AXDND1: variants seen among roughly 807,000 people sequenced by gnomAD.
AXDND1 encodes axonemal dynein light chain domain-containing protein 1.
AXDND1 carries 110 observed loss-of-function variants against 137.5 expected under a neutral mutation model. That is an observed-to-expected ratio of 0.80 (90% confidence interval 0.69 to 0.94). The LOEUF is 0.94. AXDND1 is among the 40% of genes least tolerant of loss of function. AXDND1 has a pLI of 0.00. For missense variants in AXDND1, 1,191 were observed against 1,169.8 expected (o/e 1.02, Z -0.26); for synonymous variants, 414 against 399.7 (o/e 1.04, Z -0.43).
At chr1:179,489,513 A>G (rs10913797) in intron 18 of AXDND1, among the ~76,000 whole-genome samples, 83,507 of 151,988 alleles carry the variant, frequency 0.55, 23,244 homozygotes, top group East Asian at 0.76. Flanking sequence ...TATTTTCACA[A>G]AGAAGCAGCA....
At chr1:179,368,277 A>G (rs575840439) in intron 2 of AXDND1, among the ~76,000 whole-genome samples, 4 of 151,760 alleles carry the variant, frequency 2.6e-5, no homozygotes, top group African/African-American at 9.7e-5. Context: ...AGATTGTTCC[A>G]CTCTCATTTG....
At chr1:179,504,696 C>A (rs1668362737) in intron 20 of AXDND1, among the ~76,000 whole-genome samples, 1 of 151,952 alleles carries the variant, frequency 6.6e-6, no homozygotes, top group South Asian at 2.1e-4. Context: ...TGACTGGATG[C>A]CCATAACCTG....
At chr1:179,402,366 C>T (rs72717569) in intron 11 of AXDND1, among the ~76,000 whole-genome samples, 48,920 of 151,958 alleles carry the variant, frequency 0.32, 8,257 homozygotes, top group Middle Eastern at 0.43. Context: ...CCTTTCCACC[C>T]TCTTTATAAG....
intron 25 of AXDND1, among the ~76,000 whole-genome samples, chr1:179,539,620 A>G (rs979510624): frequency 6.6e-6 from 1 of 152,074 alleles, no homozygotes; most frequent in Admixed American, 6.5e-5. Context: ...GCTGCCCTTA[A>G]TATTTTTTCC....
intron 20 of AXDND1, among the ~76,000 whole-genome samples, chr1:179,504,204 C>T (rs1363448194): frequency 1.3e-5 from 2 of 152,188 alleles, no homozygotes. Flanking sequence ...GGGAAGGCTT[C>T]AGAAGGATTC....
At chr1:179,476,103 G>T (rs780205496) in intron 17 of AXDND1, among the ~76,000 whole-genome samples, 35 of 152,142 alleles carry the variant, frequency 2.3e-4, no homozygotes, top group Non-Finnish European at 3.4e-4. Flanking sequence ...CAGCCATGTG[G>T]AACTGTGAGT....
rs759232409 is a variant in AXDND1 at position 179,468,652 on chromosome 1, A to G, written c.1997+11A>G. 2.9e-5 allele frequency: 45 copies of G among 1,578,150 alleles called. No homozygotes were observed. Among genetic ancestry groups the G allele is most frequent in the Non-Finnish European group, 3.8e-5 (44 of 1,166,560 alleles). ...TGTGGATTCTGTTTCGTAAGTTCCC[A>G]TAGGTTTCTTTTGTTCTGAGATAAT... On this transcript the variant is annotated intron_variant, in intron 17 of 25. Transcript: ENST00000367618.
chr1:179,515,158 AT>A (rs961094007), intron 21 of AXDND1, among the ~76,000 whole-genome samples: 3 of 151,288 alleles, frequency 2.0e-5, no homozygotes, highest in East Asian at 3.9e-4. Flanking sequence ...TTAAATTTTC[AT>A]TTTTTTTGTT....
At chr1:179,395,244 G>A (rs1300741558) in intron 11 of AXDND1, 42 bp downstream of exon 11, 2 of 1,515,232 alleles carry the variant, frequency 1.3e-6, no homozygotes, top group Non-Finnish European at 1.8e-6. Flanking sequence ...AGGGGAAAAG[G>A]AAGAAGCTTA....
intron 20 of AXDND1, among the ~76,000 whole-genome samples, chr1:179,497,071 A>G (rs1360692057): frequency 2.6e-5 from 4 of 152,106 alleles, no homozygotes; most frequent in Admixed American, 6.5e-5. Flanking sequence ...TGTACCACTT[A>G]CATCCTTTCC....
Position 179,526,313 on chromosome 1 carries a change from A to G in AXDND1, c.2610+866A>G, listed in dbSNP as rs377429335. 4.6e-5 allele frequency among the ~76,000 whole-genome samples: 7 copies of G among 152,182 alleles called. No homozygotes were observed. In the East Asian group the frequency reaches 5.8e-4, roughly 13 times the overall value. On this transcript the variant is annotated intron_variant, in intron 22 of 25. Coordinates refer to ENST00000367618, the MANE Select transcript of AXDND1 (RefSeq NM_144696.6). ...AAAAATTGAGTGCCTATCATGAGTG[A>G]TATACTTTGCACATATTATCTCTTA...
At position 179,459,817 on chromosome 1, in the gene AXDND1, T is replaced by TTCTC. The variant is rs368831333; in HGVS notation, c.1799-8624_1799-8621dup. On this transcript the variant is annotated intron_variant, in intron 16 of 25. Transcript: ENST00000367618. Reference sequence around the variant, plus strand: ...TCTCTCTCTTTCTTTCCTTCCTTCCTTCTCTTTTTCTTTTCTTTTCTTTCC... The same window carrying TTCTC: ...TCTCTCTCTTTCTTTCCTTCCTTCCTTCTCTCTCTTTTTCTTTTCTTTTCTTTCC... 3.2e-3 allele frequency among the ~76,000 whole-genome samples: 359 copies of TTCTC among 112,110 alleles called. 5 individuals carry two copies. The highest frequency in any genetic ancestry group is 0.013 in the African/African-American group (336 of 26,270). 73.5% of individuals were successfully genotyped at this position (112,110 alleles called of 152,430 possible).
At chr1:179,457,200 A>G (rs1661530919) in intron 16 of AXDND1, 1 of 757,086 alleles carries the variant, frequency 1.3e-6, no homozygotes, top group Admixed American at 1.7e-5. Context: ...GGATCTCATT[A>G]CCACACAGTC....
intron 7 of AXDND1, among the ~76,000 whole-genome samples, 162 bp from the exon 8 acceptor site, chr1:179,383,280 T>C (rs1169007587): frequency 1.3e-5 from 2 of 152,200 alleles, no homozygotes; most frequent in African/African-American, 4.8e-5. Context: ...TACTATATTA[T>C]TGATCTCCCA....
intron 15 of AXDND1, among the ~76,000 whole-genome samples, chr1:179,433,523 A>G (rs1398597196): frequency 6.6e-6 from 1 of 152,136 alleles, no homozygotes; most frequent in Non-Finnish European, 1.5e-5. Flanking sequence ...TTCCATCTTA[A>G]CGCTGCTTTA....
intron 25 of AXDND1, among the ~76,000 whole-genome samples, chr1:179,541,431 A>G (rs1672127507): frequency 6.6e-6 from 1 of 151,856 alleles, no homozygotes; most frequent in Non-Finnish European, 1.5e-5. Context: ...TGGGAGCTGA[A>G]GACTGGAGCT....
rs1390891210 is a variant in AXDND1, at chr1:179,543,856, A to G, written c.3031+8894A>G. The G allele has an allele frequency of 2.6e-5, 4 of 152,588 alleles. No homozygotes were observed. The East Asian group carries it at 7.7e-4, about 29-fold the overall frequency. The allele number at this position is 152,588 out of a possible 1,614,324, so 9.5% of individuals were successfully genotyped here. On this transcript the variant is annotated intron_variant, in intron 25 of 25. Coordinates refer to ENST00000367618, the MANE Select transcript of AXDND1 (RefSeq NM_144696.6). ...GGTTACCCAGGCAGAAAAAATGTAAAACTGCTTTGTAAAATTAAAAACCCT... is the reference window on the plus strand; with the variant it reads ...GGTTACCCAGGCAGAAAAAATGTAAGACTGCTTTGTAAAATTAAAAACCCT...
Position 179,509,289 on chromosome 1 carries a change from T to G in AXDND1, c.2389-7T>G. On this transcript the variant is annotated splice_region_variant and splice_polypyrimidine_tract_variant and intron_variant, in intron 20 of 25. Coordinates refer to ENST00000367618, the MANE Select transcript of AXDND1 (RefSeq NM_144696.6). ...TTTTCTGCTTGTAATCTTTTATCTC[T>G]TCTCAGAAAGAATGTTATGAATGGA... 6.3e-7 allele frequency: 1 copy of G among 1,585,706 alleles called. No individual in the cohort carries two copies. The highest frequency in any genetic ancestry group is 8.6e-7 in the Non-Finnish European group (1 of 1,159,228).
At chr1:179,537,263 A>G (rs1397582925) in intron 25 of AXDND1, among the ~76,000 whole-genome samples, 3 of 152,198 alleles carry the variant, frequency 2.0e-5, no homozygotes, top group Non-Finnish European at 4.4e-5. Flanking sequence ...AGGAGTGGTG[A>G]GAAAGGGCAT....
Sources: gnomAD v4.1 joint callset for allele counts (sites outside exome capture counted in the v4.1 genomes callset) on GRCh38, gnomAD v4.1.1 for gene constraint, MANE v1.5 for transcripts, NCBI Gene and HGNC (gene_info 2026-07-23, HGNC 2026-07-21) for gene names.